Variants in AGAP1 observed in about 807,000 individuals in gnomAD.
AGAP1 encodes the protein arf-GAP with GTPase, ANK repeat and PH domain-containing protein 1.
Under a neutral mutation model 105.3 loss-of-function variants are expected in AGAP1, and 29 were observed. The observed-to-expected ratio is 0.28, with a 90% CI of 0.21 to 0.38. The LOEUF (loss-of-function observed/expected upper bound fraction) is 0.38, where lower values mean the gene tolerates loss of function less well. AGAP1 is among the 10% of genes least tolerant of loss of function. AGAP1 has a pLI of 1.00. For synonymous variants in AGAP1, 509 were observed against 485.9 expected (o/e 1.05, Z -0.63); for missense variants, 998 against 1,165.1 (o/e 0.86, Z 2.09).
At chr2:235,508,500 A>G (rs1404651179) in intron 1 of AGAP1, among the ~76,000 whole-genome samples, 1 of 152,228 alleles carries the variant, frequency 6.6e-6, no homozygotes, top group African/African-American at 2.4e-5. Flanking sequence ...AGAAAATAAC[A>G]GCTGTTGGTT....
intron 1 of AGAP1, among the ~76,000 whole-genome samples, chr2:235,641,297 TTCTTTCTCTCTC>T (rs897669072): frequency 1.1e-5 from 1 of 88,828 alleles, no homozygotes; most frequent in Admixed American, 1.2e-4. Flanking sequence ...CTGCGATTCT[TTCTTTCTCTCTC>T]TCTTTCTCTT....
rs999104109 is a variant in AGAP1, at chr2:235,723,520, T to A, written c.310+5876T>A. Among the ~76,000 whole-genome samples the A allele has an allele frequency of 6.6e-6, 1 of 152,168 alleles. No individual in the cohort carries two copies. The highest frequency in any genetic ancestry group is 1.5e-5 in the Non-Finnish European group (1 of 68,028). ...CTTTTCAGGTTGCAGAACTGAGTCA[T>A]TGCTCTGAGACCCGTTCCCCAGGAC... is the stretch of plus-strand genomic sequence containing the variant. On this transcript the variant is annotated intron_variant, in intron 3 of 17. Transcript: ENST00000304032. This position sits in a 1 kb window ranked among gnomAD's most constrained non-coding sequence, Gnocchi z 6.2.
chr2:235,575,001 T>C (rs1373233077), intron 1 of AGAP1, among the ~76,000 whole-genome samples: 9 of 152,056 alleles, frequency 5.9e-5, no homozygotes, highest in Non-Finnish European at 8.8e-5. Flanking sequence ...CAGACACCTA[T>C]GGTCCCAGGT....
intron 13 of AGAP1, among the ~76,000 whole-genome samples, chr2:235,974,861 G>A (rs780968806): frequency 1.3e-5 from 2 of 152,196 alleles, no homozygotes; most frequent in Non-Finnish European, 2.9e-5. Context: ...GCCTCCATGG[G>A]AGACGTTGAG....
At chr2:235,592,675 A>C (rs1415062075) in intron 1 of AGAP1, among the ~76,000 whole-genome samples, 1 of 152,138 alleles carries the variant, frequency 6.6e-6, no homozygotes, top group Non-Finnish European at 1.5e-5. Context: ...GGGAGACCTC[A>C]GTACTGCTGG....
chr2:235,895,600 A>G (rs376795937), intron 10 of AGAP1, among the ~76,000 whole-genome samples: 1 of 151,868 alleles, frequency 6.6e-6, no homozygotes, highest in African/African-American at 2.4e-5. Flanking sequence ...ACGTTACTCT[A>G]TTGGGCCATC....
chr2:236,094,768 A>G (rs536094511), intron 16 of AGAP1, among the ~76,000 whole-genome samples: 1 of 152,108 alleles, frequency 6.6e-6, no homozygotes, highest in South Asian at 2.1e-4. Context: ...ACCCAAAACA[A>G]TGAAAAAGCC....
At chr2:235,495,171 A>G (rs1941260933) in intron 1 of AGAP1, among the ~76,000 whole-genome samples, 1 of 152,098 alleles carries the variant, frequency 6.6e-6, no homozygotes, top group African/African-American at 2.4e-5. Context: ...GCCTGGGGGC[A>G]GCCGGCGGGG....
rs1197937156 is a variant in AGAP1, at chr2:235,589,198, T to TG, written c.163+94349_163+94350insG. Among the ~76,000 whole-genome samples the TG allele has an allele frequency of 2.4e-3, 214 of 87,456 alleles. 2 individuals are homozygous for TG. Among genetic ancestry groups the TG allele is most frequent in the Non-Finnish European group, 2.6e-3 (127 of 48,704 alleles). The allele number at this position is 87,456 out of a possible 152,430, so 57.4% of individuals were successfully genotyped here. On this transcript the variant is annotated intron_variant, in intron 1 of 17. Coordinates refer to ENST00000304032, the MANE Select transcript of AGAP1 (RefSeq NM_001037131.3). ...CAGTTAATAGCTTATTGTTTTGTTT[T>TG]TTTTTTTTTTTTTTTTTTTTTTTTG...
At chr2:236,115,744 C>G (rs184442447) in intron 16 of AGAP1, among the ~76,000 whole-genome samples, 1 of 152,182 alleles carries the variant, frequency 6.6e-6, no homozygotes, top group African/African-American at 2.4e-5. Context: ...TCCTACTGTC[C>G]GAGAAAACAC....
chr2:235,831,707 C>T (rs774190911), intron 9 of AGAP1, among the ~76,000 whole-genome samples: 1 of 152,184 alleles, frequency 6.6e-6, no homozygotes, highest in South Asian at 2.1e-4. Context: ...TATCCATTCA[C>T]CTATTGAAAG....
chr2:235,895,750 A>ATGGATGGATGGATGGATGGATGGATGG (rs1403050664), intron 10 of AGAP1, among the ~76,000 whole-genome samples: 1 of 82,986 alleles, frequency 1.2e-5, no homozygotes, highest in Admixed American at 9.8e-5. Flanking sequence ...TGGATGGATG[A>ATGGATGGATGGATGGATGGATGGATGG]ATGGAGGCAC....
At chr2:235,547,204 T>A (rs112259027) in intron 1 of AGAP1, among the ~76,000 whole-genome samples, 4,518 of 152,272 alleles carry the variant, frequency 0.03, 94 homozygotes, top group Non-Finnish European at 0.044. Context: ...CCTAGCTGCT[T>A]GAGGCCCACG....
chr2:235,696,457 G>A (rs775022579), intron 1 of AGAP1, among the ~76,000 whole-genome samples: 18 of 152,184 alleles, frequency 1.2e-4, no homozygotes, highest in Non-Finnish European at 1.9e-4. Flanking sequence ...TCAGTGTGAA[G>A]GGCGGGTCGG....
chr2:236,116,367 T>TTTTTTTTTTTTTTTTG (rs1553578895), intron 16 of AGAP1, among the ~76,000 whole-genome samples: 3 of 150,422 alleles, frequency 2.0e-5, no homozygotes, highest in African/African-American at 4.9e-5. Flanking sequence ...CTTTTTTTTT[T>TTTTTTTTTTTTTTTTG]GAGAGAGAGT....
chr2:235,744,195 A>G lies in AGAP1; in HGVS notation c.397-503A>G, dbSNP rs1199001047. On this transcript the variant is annotated intron_variant, in intron 4 of 17. Transcript: ENST00000304032. This position sits in a 1 kb window ranked among gnomAD's most constrained non-coding sequence, Gnocchi z 5.2. ...GCCTGGGTTGAATCTTTACCCTTCAACAGAGTAGGCCAGCCGCTGCGGTAG... is the reference window on the plus strand; with the variant it reads ...GCCTGGGTTGAATCTTTACCCTTCAGCAGAGTAGGCCAGCCGCTGCGGTAG... Among the ~76,000 whole-genome samples the G allele has an allele frequency of 3.9e-5, 6 of 152,294 alleles. No individual in the cohort carries two copies. The highest frequency in any genetic ancestry group is 1.4e-4 in the African/African-American group (6 of 41,544).
chr2:235,836,121 G>C (rs1960122884), intron 9 of AGAP1, among the ~76,000 whole-genome samples: 1 of 152,154 alleles, frequency 6.6e-6, no homozygotes, highest in Non-Finnish European at 1.5e-5. Context: ...CATTTTGTAA[G>C]GAACATTAAC....
intron 1 of AGAP1, among the ~76,000 whole-genome samples, chr2:235,603,912 G>A (rs1029577844): frequency 2.6e-5 from 4 of 152,116 alleles, no homozygotes; most frequent in African/African-American, 9.7e-5. Flanking sequence ...TTGACGGGTT[G>A]GTTGACGGTC....
Position 235,845,499 on chromosome 2 carries a change from C to A in AGAP1, c.1051-37846C>A, listed in dbSNP as rs1261732473. On this transcript the variant is annotated intron_variant, in intron 9 of 17. Coordinates refer to ENST00000304032, the MANE Select transcript of AGAP1 (RefSeq NM_001037131.3). The surrounding 1 kb of genome is among the most constrained non-coding windows in gnomAD (Gnocchi z 4.8). ...GAACCCTGGGCTTCCTGAGGACACC[C>A]CATTCTTAGCTGTGGGGTCACCACT... Among the ~76,000 whole-genome samples the A allele has an allele frequency of 3.3e-5, 5 of 152,110 alleles. No homozygotes were observed. The highest frequency in any genetic ancestry group is 6.5e-5 in the Admixed American group (1 of 15,278).
Sources: allele counts gnomAD v4.1 joint callset (sites outside exome capture counted in the v4.1 genomes callset), GRCh38; gene constraint gnomAD v4.1.1; non-coding constraint Gnocchi (gnomAD v3.1); transcripts MANE v1.5; gene names NCBI Gene and HGNC (gene_info 2026-07-23, HGNC 2026-07-21).